The following ZMYND11 variants were observed in gnomAD, a reference collection of about 807,000 sequenced individuals.
ZMYND11 encodes the protein zinc finger MYND domain-containing protein 11.
In ZMYND11, 9 loss-of-function variants were observed where a neutral mutation model predicts 84.9. The observed-to-expected ratio is 0.11, with a 90% CI of 0.06 to 0.18. The LOEUF is 0.18. Among genes scored for constraint, ZMYND11 ranks in the 10% least tolerant of loss-of-function variants. The pLI is 1.00. For missense variants in ZMYND11, 409 were observed against 761.0 expected, an observed-to-expected ratio of 0.54 and a Z score of 5.44; for synonymous variants, 250 against 244.1, an observed-to-expected ratio of 1.02 and a Z score of -0.23.
chr10:186,175 A>G (rs922166343), intron 2 of ZMYND11, among the ~76,000 whole-genome samples: 1 of 151,394 alleles, frequency 6.6e-6, no homozygotes, highest in African/African-American at 2.4e-5. Flanking sequence ...ATGCCTGGCT[A>G]ATTTTTTTTG....
chr10:171,265 G>C (rs1554765611), intron 1 of ZMYND11, among the ~76,000 whole-genome samples: 2 of 152,174 alleles, frequency 1.3e-5, no homozygotes. Flanking sequence ...GATTGATCTA[G>C]CAGGCAGAAA....
chr10:158,354 C>A (rs1564286577), intron 1 of ZMYND11, among the ~76,000 whole-genome samples: 1 of 151,918 alleles, frequency 6.6e-6, no homozygotes, highest in Non-Finnish European at 1.5e-5. Context: ...TGTATGAAAA[C>A]ACCGGTTTCT....
intron 2 of ZMYND11, among the ~76,000 whole-genome samples, chr10:192,472 T>C (rs930456691): frequency 6.6e-6 from 1 of 152,226 alleles, no homozygotes; most frequent in Non-Finnish European, 1.5e-5. Flanking sequence ...ATTTCCTTGC[T>C]ATGGACACTC....
intron 1 of ZMYND11, among the ~76,000 whole-genome samples, chr10:176,699 A>G (rs1474247842): frequency 2.0e-5 from 3 of 152,196 alleles, no homozygotes; most frequent in African/African-American, 7.2e-5. Flanking sequence ...TAGAATACAG[A>G]GGACAATTGA....
At chr10:139,558 A>G (rs1554753410) in intron 1 of ZMYND11, among the ~76,000 whole-genome samples, 1 of 152,100 alleles carries the variant, frequency 6.6e-6, no homozygotes, top group Non-Finnish European at 1.5e-5. Flanking sequence ...CTTAGTCTCC[A>G]CTTTTGAAAT....
chr10:188,699 T>C (rs1480592518), intron 2 of ZMYND11, among the ~76,000 whole-genome samples: 2 of 152,188 alleles, frequency 1.3e-5, no homozygotes, highest in African/African-American at 4.8e-5. Context: ...GTTACATATA[T>C]CACTTCCTTT....
chr10:130,144 C>CAACA (rs1224722024), upstream of ZMYND11, among the ~76,000 whole-genome samples: 28 of 152,198 alleles, frequency 1.8e-4, no homozygotes, highest in African/African-American at 5.8e-4. Flanking sequence ...GAAAAACAAA[C>CAACA]AACAAACAAA....
chr10:136,800 C>A (rs1182722725), intron 1 of ZMYND11, among the ~76,000 whole-genome samples: 2 of 152,038 alleles, frequency 1.3e-5, no homozygotes, highest in Non-Finnish European at 2.9e-5. Flanking sequence ...AGTATCCTTT[C>A]ACACTGTGTA....
intron 9 of ZMYND11, 123 bp from the exon 10 acceptor site, chr10:241,898 T>TTAGGAG: frequency 2.4e-6 from 3 of 1,236,892 alleles, no homozygotes; most frequent in Non-Finnish European, 3.4e-6. Context: ...TCGTATGTGT[T>TTAGGAG]TAGGAGTTAT....
intron 1 of ZMYND11, chr10:154,859 C>A (rs1279524083): frequency 6.6e-6 from 1 of 152,108 alleles, no homozygotes; most frequent in Non-Finnish European, 1.5e-5. Context: ...TTTTCTCTCC[C>A]ATCCAAGTAC....
At chr10:209,037 GTATA>G (rs541792944) in intron 2 of ZMYND11, among the ~76,000 whole-genome samples, 2 of 150,460 alleles carry the variant, frequency 1.3e-5, no homozygotes, top group African/African-American at 4.9e-5. Context: ...ATATGTATAT[GTATA>G]TATATATATA....
intron 4 of ZMYND11, among the ~76,000 whole-genome samples, chr10:233,103 C>G (rs1340667026): frequency 6.6e-6 from 1 of 152,190 alleles, no homozygotes; most frequent in Non-Finnish European, 1.5e-5. Flanking sequence ...TTAACCACAC[C>G]TATCAGAAAC....
intron 14 of ZMYND11, chr10:249,724 T>G (rs975330349): frequency 1.0e-6 from 1 of 985,264 alleles, no homozygotes; most frequent in African/African-American, 1.7e-5. Flanking sequence ...AGGGAAAAGT[T>G]TTGCTCCCGA....
At chr10:132,827 C>T (rs529809749), upstream of ZMYND11, among the ~76,000 whole-genome samples, 3 of 152,266 alleles carry the variant, frequency 2.0e-5, no homozygotes, top group South Asian at 6.2e-4. Context: ...CGTCTTGGTC[C>T]TGCAGAGACA....
At position 149,575 on chromosome 10, in the gene ZMYND11, G is replaced by C. The variant is rs553354366; in HGVS notation, c.-20+14016G>C. 1.5e-3 allele frequency among the ~76,000 whole-genome samples: 221 copies of C among 152,070 alleles called. 1 individual carries two copies. The highest frequency in any genetic ancestry group is 5.1e-3 in the African/African-American group (210 of 41,480). On this transcript the variant is annotated intron_variant, in intron 1 of 14. Coordinates refer to ENST00000381604, the MANE Select transcript of ZMYND11 (RefSeq NM_001370100.5). ...TCCACCCACCTCAGCCTCCCAAAAT[G>C]TATTATTATTTTTTAAATGTAGTTT... is the stretch of plus-strand genomic sequence containing the variant.
At chr10:187,853 T>C (rs974095278) in intron 2 of ZMYND11, among the ~76,000 whole-genome samples, 2 of 152,214 alleles carry the variant, frequency 1.3e-5, no homozygotes, top group African/African-American at 4.8e-5. Context: ...ATTTGGGAGC[T>C]AAATAAGCAC....
At chr10:171,202 T>G (rs1253252776) in intron 1 of ZMYND11, among the ~76,000 whole-genome samples, 2 of 151,998 alleles carry the variant, frequency 1.3e-5, no homozygotes, top group Non-Finnish European at 2.9e-5. Context: ...CAAGGAGAAA[T>G]AAATGAATCC....
At position 211,955 on chromosome 10, in the gene ZMYND11, G is replaced by T. The variant is rs146820871; in HGVS notation, c.276+1907G>T. ...ATATACTCAGAATAATCCAGATAAT[G>T]TAAAATTTCTAATCTTAAAACACTT... On this transcript the variant is annotated intron_variant, in intron 3 of 14. Coordinates refer to ENST00000381604, the MANE Select transcript of ZMYND11 (RefSeq NM_001370100.5). 5.0e-3 allele frequency among the ~76,000 whole-genome samples: 760 copies of T among 152,226 alleles called. 4 individuals carry two copies. The highest frequency in any genetic ancestry group is 0.018 in the African/African-American group (732 of 41,554).
At position 242,011 on chromosome 10, in the gene ZMYND11, T is replaced by TA. The variant is rs1951069011; in HGVS notation, c.832-8dup. The TA allele has an allele frequency of 6.2e-7, 1 of 1,613,640 alleles. No homozygotes were observed. Among genetic ancestry groups the TA allele is most frequent in the African/African-American group, 1.3e-5 (1 of 74,886 alleles). On this transcript the variant is annotated splice_polypyrimidine_tract_variant and intron_variant, in intron 9 of 14. Coordinates refer to ENST00000381604, the MANE Select transcript of ZMYND11 (RefSeq NM_001370100.5). ...AAGTAATATAACAAGGTAAAACATT[T>TA]AATTTCCAGATACCTAATCATGAGC...
Sources: allele counts gnomAD v4.1 joint callset (sites outside exome capture counted in the v4.1 genomes callset), GRCh38; gene constraint gnomAD v4.1.1; transcripts MANE v1.5; gene names NCBI Gene and HGNC (gene_info 2026-07-23, HGNC 2026-07-21).